LRMDA: variants seen among roughly 807,000 people sequenced by gnomAD.
LRMDA encodes the protein leucine rich melanocyte differentiation associated.
LRMDA carries 18 observed loss-of-function variants against 29.8 expected under a neutral mutation model. That is an observed-to-expected ratio of 0.60 (90% CI 0.42 to 0.90). The LOEUF (loss-of-function observed/expected upper bound fraction) is 0.90, where lower values mean the gene tolerates loss of function less well. Among genes scored for constraint, LRMDA ranks in the 40% least tolerant of loss-of-function variants. LRMDA has a pLI of 0.00. For synonymous variants in LRMDA, 125 were observed against 109.4 expected (o/e 1.14, Z -0.89); for missense variants, 273 against 273.9 (o/e 1.00, Z 0.02).
At chr10:76,424,583 A>ACAAT (rs900952672) in intron 6 of LRMDA, among the ~76,000 whole-genome samples, 3 of 152,220 alleles carry the variant, frequency 2.0e-5, no homozygotes, top group Non-Finnish European at 4.4e-5. Flanking sequence ...CACAACAGTA[A>ACAAT]CAATAACTGC....
At chr10:76,131,261 C>T (rs2132136471) in intron 5 of LRMDA, among the ~76,000 whole-genome samples, 1 of 152,214 alleles carries the variant, frequency 6.6e-6, no homozygotes, top group African/African-American at 2.4e-5. Context: ...CTATTGTATC[C>T]TTGTCTGGAA....
chr10:75,672,130 G>A (rs1841898058), intron 2 of LRMDA, among the ~76,000 whole-genome samples: 1 of 152,136 alleles, frequency 6.6e-6, no homozygotes, highest in Non-Finnish European at 1.5e-5. Context: ...GTTATCACAT[G>A]TCTAAGAAAT....
intron 2 of LRMDA, chr10:75,782,827 C>T (rs1396459211): frequency 8.8e-6 from 13 of 1,469,280 alleles, no homozygotes; most frequent in East Asian, 7.5e-5. Flanking sequence ...TAGCCAGCGC[C>T]GGCGTGCATG....
chr10:75,653,087 T>G (rs1012603102), intron 2 of LRMDA, among the ~76,000 whole-genome samples: 2 of 152,222 alleles, frequency 1.3e-5, no homozygotes, highest in African/African-American at 4.8e-5. Flanking sequence ...CTGGCTTTAA[T>G]GGACTCCAAG....
chr10:76,395,682 C>G (rs1277426493), intron 6 of LRMDA, among the ~76,000 whole-genome samples: 1 of 152,218 alleles, frequency 6.6e-6, no homozygotes, highest in East Asian at 1.9e-4. Context: ...CTAAGACTTA[C>G]ATTAGATGAC....
At chr10:76,129,139 A>C (rs937731847) in intron 5 of LRMDA, among the ~76,000 whole-genome samples, 2 of 152,106 alleles carry the variant, frequency 1.3e-5, no homozygotes, top group Non-Finnish European at 2.9e-5. Context: ...TGTGCTTCCT[A>C]ACCAATACCA....
intron 2 of LRMDA, among the ~76,000 whole-genome samples, chr10:75,707,542 C>G (rs1228511097): frequency 6.6e-6 from 1 of 152,208 alleles, no homozygotes; most frequent in African/African-American, 2.4e-5. Flanking sequence ...ACCGAGGATG[C>G]TGAGCAGGGA....
intron 5 of LRMDA, among the ~76,000 whole-genome samples, chr10:76,314,411 T>C (rs1053337500): frequency 2.0e-5 from 3 of 152,144 alleles, no homozygotes; most frequent in Non-Finnish European, 4.4e-5. Flanking sequence ...ACATTAACAT[T>C]TTCTCCATCA....
intron 6 of LRMDA, among the ~76,000 whole-genome samples, chr10:76,362,113 TA>T (rs1457982515): frequency 6.6e-6 from 1 of 152,200 alleles, no homozygotes; most frequent in Non-Finnish European, 1.5e-5. Context: ...CAAACCCACA[TA>T]ACACGACACT....
At chr10:76,257,363 C>T (rs191940641) in intron 5 of LRMDA, among the ~76,000 whole-genome samples, 132 of 141,206 alleles carry the variant, frequency 9.3e-4, no homozygotes, top group Non-Finnish European at 1.1e-3. Flanking sequence ...GACAAAGTCT[C>T]ACTCTTGTTG....
intron 2 of LRMDA, among the ~76,000 whole-genome samples, chr10:75,449,083 C>T (rs947592784): frequency 2.8e-5 from 4 of 143,502 alleles, no homozygotes; most frequent in Non-Finnish European, 4.5e-5. Context: ...ACCCAGGAGG[C>T]GGAAGTTGCA....
At chr10:76,075,836 A>T (rs1017848623) in intron 5 of LRMDA, among the ~76,000 whole-genome samples, 2 of 152,178 alleles carry the variant, frequency 1.3e-5, no homozygotes, top group Non-Finnish European at 2.9e-5. Context: ...GGTACACTGA[A>T]GGACCCAGAT....
chr10:76,183,892 G>A (rs1851097259), intron 5 of LRMDA, among the ~76,000 whole-genome samples: 1 of 152,044 alleles, frequency 6.6e-6, no homozygotes, highest in South Asian at 2.1e-4. Context: ...CTATTTAAAA[G>A]AAAAATTTGT....
chr10:75,839,611 G>A (rs1048220800), intron 2 of LRMDA, among the ~76,000 whole-genome samples: 5 of 147,546 alleles, frequency 3.4e-5, no homozygotes, highest in Non-Finnish European at 6.0e-5. Context: ...CTACCTAGCA[G>A]ATTATCTGGA....
intron 2 of LRMDA, among the ~76,000 whole-genome samples, chr10:75,776,757 A>T (rs1589196736): frequency 6.6e-6 from 1 of 152,228 alleles, no homozygotes; most frequent in Non-Finnish European, 1.5e-5. Flanking sequence ...AAACCTTTCC[A>T]CAGAAATGTC....
chr10:75,590,810 A>C (rs1840714628), intron 2 of LRMDA, among the ~76,000 whole-genome samples: 1 of 119,254 alleles, frequency 8.4e-6, no homozygotes, highest in Admixed American at 1.2e-4. Flanking sequence ...GTGCAGTGGC[A>C]TAATCTCATC....
intron 5 of LRMDA, among the ~76,000 whole-genome samples, chr10:76,108,944 C>A (rs532959143): frequency 6.6e-6 from 1 of 152,310 alleles, no homozygotes; most frequent in East Asian, 1.9e-4. Context: ...CAGCTGAACT[C>A]ATTGTAGATA....
intron 2 of LRMDA, among the ~76,000 whole-genome samples, chr10:75,934,127 T>A (rs1378319434): frequency 6.6e-6 from 1 of 152,162 alleles, no homozygotes; most frequent in African/African-American, 2.4e-5. Context: ...GGGTCCTGGG[T>A]AAGGAGAAGG....
At chr10:76,207,518 G>A (rs1851559017) in intron 5 of LRMDA, among the ~76,000 whole-genome samples, 1 of 152,166 alleles carries the variant, frequency 6.6e-6, no homozygotes, top group African/African-American at 2.4e-5. Flanking sequence ...GGGGGATGGG[G>A]TGATTTTTTA....
Sources: allele counts gnomAD v4.1 joint callset (sites outside exome capture counted in the v4.1 genomes callset), GRCh38; gene constraint gnomAD v4.1.1; transcripts MANE v1.5; gene names NCBI Gene and HGNC (gene_info 2026-07-23, HGNC 2026-07-21).